The following TENM4 variants were observed in gnomAD, a reference collection of about 807,000 sequenced individuals.
TENM4 encodes teneurin-4.
A neutral mutation model predicts 243.3 loss-of-function variants in TENM4; 82 were observed. That is an observed-to-expected ratio of 0.34 (90% CI 0.28 to 0.40). The LOEUF is 0.40. TENM4 is among the 10% of genes least tolerant of loss of function. The probability of loss-of-function intolerance (pLI) is 1.00; values close to 1 mark genes in which losing one functional copy is unlikely to be tolerated. For missense variants in TENM4, 3,138 were observed against 3,673.3 expected (o/e 0.85, Z 3.77); for synonymous variants, 1,412 against 1,456.3 (o/e 0.97, Z 0.69).
At chr11:79,377,194 G>T (rs1467081165) in intron 1 of TENM4, among the ~76,000 whole-genome samples, 1 of 152,216 alleles carries the variant, frequency 6.6e-6, no homozygotes, top group East Asian at 1.9e-4. Flanking sequence ...TCTCCCCGGA[G>T]CCTCCAGCAC....
intron 3 of TENM4, among the ~76,000 whole-genome samples, chr11:79,194,017 CAG>C (rs1028981683): frequency 6.6e-6 from 1 of 152,018 alleles, no homozygotes; most frequent in Non-Finnish European, 1.5e-5. Flanking sequence ...GGGAGGGACT[CAG>C]GGGGAGGTAA....
intron 3 of TENM4, among the ~76,000 whole-genome samples, chr11:79,213,153 G>A (rs1258322479): frequency 1.3e-5 from 2 of 152,186 alleles, no homozygotes; most frequent in Non-Finnish European, 2.9e-5. Context: ...GTGGTGGGAG[G>A]AGAAAGGCAG....
chr11:78,744,930 T>C (rs557503750), intron 19 of TENM4, among the ~76,000 whole-genome samples: 1 of 152,352 alleles, frequency 6.6e-6, no homozygotes, highest in Non-Finnish European at 1.5e-5. Flanking sequence ...TCTAACCTCA[T>C]AGCGAGGTTG....
At chr11:79,259,032 A>AT (rs1193732753) in intron 2 of TENM4, among the ~76,000 whole-genome samples, 1 of 152,048 alleles carries the variant, frequency 6.6e-6, no homozygotes, top group South Asian at 2.1e-4. Flanking sequence ...TTGGTTCACA[A>AT]TGCAGAGAAT....
intron 6 of TENM4, among the ~76,000 whole-genome samples, chr11:79,053,182 T>C (rs767664603): frequency 1.3e-5 from 2 of 152,192 alleles, no homozygotes; most frequent in African/African-American, 4.8e-5. Flanking sequence ...AGTCAAAATT[T>C]GGCAGAGGCG....
chr11:79,329,371 T>C (rs1311240559), intron 1 of TENM4, among the ~76,000 whole-genome samples: 1 of 152,204 alleles, frequency 6.6e-6, no homozygotes, highest in Non-Finnish European at 1.5e-5. Context: ...CTTTCATTCA[T>C]TCATCAAATA....
At chr11:78,961,205 C>T (rs536118871) in intron 6 of TENM4, among the ~76,000 whole-genome samples, 1 of 152,332 alleles carries the variant, frequency 6.6e-6, no homozygotes, top group Admixed American at 6.5e-5. Context: ...ACAAAACCTA[C>T]AGTGTTATTT....
chr11:79,422,272 C>CACACAT, intron 1 of TENM4: 1 of 151,252 alleles, frequency 6.6e-6, no homozygotes, highest in African/African-American at 2.4e-5. Flanking sequence ...CACACACACA[C>CACACAT]ACACACACAC....
chr11:78,823,499 GA>G (rs1321222579), intron 12 of TENM4, among the ~76,000 whole-genome samples: 1 of 152,214 alleles, frequency 6.6e-6, no homozygotes, highest in African/African-American at 2.4e-5. Context: ...CAAGGGGTGT[GA>G]TAGGAAGAGA....
intron 2 of TENM4, among the ~76,000 whole-genome samples, chr11:79,258,932 G>C (rs2135319470): frequency 6.6e-6 from 1 of 152,008 alleles, no homozygotes; most frequent in African/African-American, 2.4e-5. Flanking sequence ...CTGAGTTCCA[G>C]TCCTGGCCCC....
Position 79,440,032 on chromosome 11 carries a change from G to C in TENM4, c.-321+477C>G, listed in dbSNP as rs1241011833. On this transcript the variant is annotated intron_variant, in intron 1 of 33. Transcript: ENST00000278550. The surrounding 1 kb of genome is among the most constrained non-coding windows in gnomAD (Gnocchi z 4.7). ...CCGCCCGTGCGGGGCTGCTGCAGCC[G>C]GCACTTGCCCCGCAGGGCAGGCTGC... 1.3e-5 allele frequency among the ~76,000 whole-genome samples: 2 copies of C among 152,064 alleles called. No individual in the cohort carries two copies. The highest frequency in any genetic ancestry group is 4.8e-5 in the African/African-American group (2 of 41,442).
chr11:79,218,880 T>TA (rs1267021990), intron 2 of TENM4, among the ~76,000 whole-genome samples: 4 of 152,240 alleles, frequency 2.6e-5, no homozygotes, highest in Non-Finnish European at 5.9e-5. Flanking sequence ...ATTATGGCAT[T>TA]ATTCATTCAT....
intron 1 of TENM4, among the ~76,000 whole-genome samples, chr11:79,328,685 ATCT>A (rs948107642): frequency 2.6e-5 from 4 of 152,200 alleles, no homozygotes; most frequent in African/African-American, 9.6e-5. Context: ...CGAGGGGATC[ATCT>A]TCTACAACGT....
chr11:79,351,621 G>T (rs374132622), intron 1 of TENM4, among the ~76,000 whole-genome samples: 7 of 152,250 alleles, frequency 4.6e-5, no homozygotes, highest in African/African-American at 1.7e-4. Context: ...GCACAAGATT[G>T]CTTGAACCCA....
At chr11:79,241,325 G>A (rs1864584967) in intron 2 of TENM4, among the ~76,000 whole-genome samples, 1 of 152,064 alleles carries the variant, frequency 6.6e-6, no homozygotes, top group African/African-American at 2.4e-5. Context: ...GGGCCAGGCA[G>A]CAAGGTGGCA....
At chr11:78,691,117 C>T (rs1244645650) in intron 28 of TENM4, among the ~76,000 whole-genome samples, 1 of 152,172 alleles carries the variant, frequency 6.6e-6, no homozygotes, top group African/African-American at 2.4e-5. Flanking sequence ...CCAGTGATAT[C>T]CTGTGCACAG....
At chr11:78,975,591 C>T (rs553138274) in intron 6 of TENM4, among the ~76,000 whole-genome samples, 15 of 125,928 alleles carry the variant, frequency 1.2e-4, no homozygotes, top group African/African-American at 2.3e-4. Context: ...CCTTGGGATA[C>T]ACACACCCAC....
intron 1 of TENM4, among the ~76,000 whole-genome samples, chr11:79,371,200 T>C (rs1453887105): frequency 6.6e-5 from 10 of 152,214 alleles, no homozygotes; most frequent in Admixed American, 3.3e-4. Flanking sequence ...CATGTCAGTG[T>C]GAGTGCAGAT....
chr11:78,917,982 T>C (rs746983734), intron 6 of TENM4, among the ~76,000 whole-genome samples: 1 of 152,192 alleles, frequency 6.6e-6, no homozygotes, highest in African/African-American at 2.4e-5. Flanking sequence ...ACTCACCTAA[T>C]GTTAGCTATT....
Sources: allele counts gnomAD v4.1 joint callset (sites outside exome capture counted in the v4.1 genomes callset), GRCh38; gene constraint gnomAD v4.1.1; non-coding constraint Gnocchi (gnomAD v3.1); transcripts MANE v1.5; gene names NCBI Gene and HGNC (gene_info 2026-07-23, HGNC 2026-07-21).